SLC25A33: variants seen among roughly 807,000 people sequenced by gnomAD.
The protein encoded by SLC25A33 is bone marrow stromal cell mitochondrial carrier protein.
A neutral mutation model predicts 35.5 loss-of-function variants in SLC25A33; 15 were observed. That is an observed-to-expected ratio of 0.42 (90% confidence interval 0.28 to 0.65). SLC25A33 has a LOEUF of 0.65. Ranked by LOEUF, SLC25A33 falls within the 30% of genes least tolerant of loss-of-function variation. The pLI, the probability that SLC25A33 is intolerant of heterozygous loss-of-function variation, is 0.20. For synonymous variants in SLC25A33, 136 were observed against 148.7 expected, an observed-to-expected ratio of 0.91 and a Z score of 0.62; for missense variants, 257 against 398.5, an observed-to-expected ratio of 0.64 and a Z score of 3.02.
At chr1:9,551,748 A>C (rs1196121035) in intron 1 of SLC25A33, among the ~76,000 whole-genome samples, 9 of 152,048 alleles carry the variant, frequency 5.9e-5, no homozygotes, top group Non-Finnish European at 1.2e-4. Flanking sequence ...TTGAAATCTC[A>C]ATTGAATAAT....
At chr1:9,575,084 G>A (rs113293451) in intron 5 of SLC25A33, among the ~76,000 whole-genome samples, 2,360 of 151,712 alleles carry the variant, frequency 0.016, 58 homozygotes, top group African/African-American at 0.054. Flanking sequence ...GTGATGGTGG[G>A]CGCCTGTAGT....
intron 2 of SLC25A33, among the ~76,000 whole-genome samples, chr1:9,559,745 G>A (rs578076363): frequency 6.6e-6 from 1 of 152,264 alleles, no homozygotes; most frequent in South Asian, 2.1e-4. Flanking sequence ...GCTACCATGT[G>A]GGTTGAAGCC....
rs374392297 is a variant in SLC25A33, at chr1:9,580,242, T to C, written c.763+8T>C. The C allele has an allele frequency of 1.9e-6, 3 of 1,609,578 alleles. No individual in the cohort carries two copies. In the African/African-American group the frequency reaches 4.0e-5, roughly 22 times the overall value. ...GCATTGCTTATCCACACGGTATGTT[T>C]TGCTTTTGTTCTTCCAGAGCAGTAA... is the stretch of plus-strand genomic sequence containing the variant. On this transcript the variant is annotated splice_region_variant and intron_variant, in intron 6 of 6. Coordinates refer to ENST00000302692, the MANE Select transcript of SLC25A33 (RefSeq NM_032315.3).
At chr1:9,573,514 C>A in intron 5 of SLC25A33, 102 bp downstream of exon 5, 1 of 926,888 alleles carries the variant, frequency 1.1e-6, no homozygotes, top group Non-Finnish European at 1.7e-6. Flanking sequence ...AGAGATGTAC[C>A]CCCCTCCTCG....
intron 6 of SLC25A33, among the ~76,000 whole-genome samples, chr1:9,581,254 T>A (rs1643740849): frequency 6.6e-6 from 1 of 152,106 alleles, no homozygotes; most frequent in Non-Finnish European, 1.5e-5. Context: ...GGGCAAAGGC[T>A]GGCAAAGGAG....
At chr1:9,545,485 C>G (rs1478240958) in intron 1 of SLC25A33, among the ~76,000 whole-genome samples, 1 of 152,038 alleles carries the variant, frequency 6.6e-6, no homozygotes, top group African/African-American at 2.4e-5. Context: ...GCAACCTCCG[C>G]CCTCCGAGTT....
intron 3 of SLC25A33, among the ~76,000 whole-genome samples, chr1:9,569,057 C>G (rs1206307498): frequency 1.3e-5 from 2 of 151,852 alleles, no homozygotes; most frequent in Non-Finnish European, 2.9e-5. Context: ...ACCAGCATGG[C>G]CAACATAGTG....
At position 9,578,236 on chromosome 1, in the gene SLC25A33, C is replaced by T. The variant is rs900038598; in HGVS notation, c.483-1718C>T. 5.3e-5 allele frequency among the ~76,000 whole-genome samples: 8 copies of T among 152,044 alleles called. No individual in the cohort carries two copies. The highest frequency in any genetic ancestry group is 8.8e-5 in the Non-Finnish European group (6 of 68,002). On this transcript the variant is annotated intron_variant, in intron 5 of 6. Coordinates refer to ENST00000302692, the MANE Select transcript of SLC25A33 (RefSeq NM_032315.3). The surrounding 1 kb of genome is among the most constrained non-coding windows in gnomAD (Gnocchi z 4.3). Reference sequence around the variant, plus strand: ...CCCGGCCTCTGGATGGTTTTAAGCACGGGAGTTGCATGGTTGGATTTGTGT... The same window carrying T: ...CCCGGCCTCTGGATGGTTTTAAGCATGGGAGTTGCATGGTTGGATTTGTGT...
In SLC25A33 at chr1:9,541,733, T is replaced by A. The variant is rs545437432; in HGVS notation, c.56+1986T>A. Among the ~76,000 whole-genome samples the A allele has an allele frequency of 1.7e-3, 228 of 136,398 alleles. 1 individual carries two copies. The highest frequency in any genetic ancestry group is 5.5e-3 in the African/African-American group (207 of 37,428). 89.5% of individuals were successfully genotyped at this position (136,398 alleles called of 152,430 possible). A position where few individuals can be genotyped will look rare whatever the true frequency, so the allele number is the denominator to read the frequency against. On this transcript the variant is annotated intron_variant, in intron 1 of 6. Coordinates refer to ENST00000302692, the MANE Select transcript of SLC25A33 (RefSeq NM_032315.3). ...GTTTTTTAAGCCAAGAAGGATCATT[T>A]AAAAAAAAAAAAAAAAGGAATTTCT... is the stretch of plus-strand genomic sequence containing the variant.
intron 2 of SLC25A33, among the ~76,000 whole-genome samples, chr1:9,555,054 T>C (rs1269619951): frequency 6.6e-6 from 1 of 151,704 alleles, no homozygotes; most frequent in Non-Finnish European, 1.5e-5. Context: ...TGGGAAATGT[T>C]AGAAAAAGAA....
At chr1:9,567,553 T>TA (rs1176431777) in intron 3 of SLC25A33, among the ~76,000 whole-genome samples, 192 bp downstream of exon 3, 8 of 152,264 alleles carry the variant, frequency 5.3e-5, no homozygotes, top group African/African-American at 1.9e-4. Flanking sequence ...GGATTCTACT[T>TA]ACTGTATTCT....
intron 1 of SLC25A33, among the ~76,000 whole-genome samples, chr1:9,540,934 C>T (rs903061890): frequency 2.0e-5 from 3 of 152,102 alleles, no homozygotes; most frequent in African/African-American, 7.2e-5. Flanking sequence ...TCATCTCTTC[C>T]CTGTCATTCA....
In SLC25A33 at chr1:9,578,717, C is replaced by T. The variant is rs369856039; in HGVS notation, c.483-1237C>T. 6.6e-6 allele frequency among the ~76,000 whole-genome samples: 1 copy of T among 152,158 alleles called. No individual in the cohort carries two copies. Among genetic ancestry groups the T allele is most frequent in the Non-Finnish European group, 1.5e-5 (1 of 68,034 alleles). On this transcript the variant is annotated intron_variant, in intron 5 of 6. Transcript: ENST00000302692. This position sits in a 1 kb window ranked among gnomAD's most constrained non-coding sequence, Gnocchi z 4.3. ...AACTCCTGGCCTCAAGCAGTCCTCC[C>T]GCCTTGGCCTCCCAAAGTGCTGGGA...
At chr1:9,545,918 G>A (rs143056177) in intron 1 of SLC25A33, among the ~76,000 whole-genome samples, 3,589 of 151,274 alleles carry the variant, frequency 0.024, 147 homozygotes, top group African/African-American at 0.083. Context: ...AGCCGAGATC[G>A]CGCCACTGCA....
At position 9,582,334 on chromosome 1, in the gene SLC25A33, A is replaced by C; in HGVS notation, c.799A>C (p.Lys267Gln). 2 of 1,613,992 alleles carry C rather than the reference A, an allele frequency of 1.2e-6. No individual in the cohort carries two copies. The highest frequency in any genetic ancestry group is 1.7e-6 in the Non-Finnish European group (2 of 1,179,864). The change falls in exon 7 of 7, where the codon AAG becomes CAG. Residue 267 changes from lysine (K) to glutamine (Q), a missense_variant. By Grantham distance (53) the Lys-to-Gln change is moderately conservative (BLOSUM62 1). Transcript: ENST00000302692. This position sits in a 1 kb window ranked among gnomAD's most constrained non-coding sequence, Gnocchi z 4.0. ...IRTRLREEGT[K>Q]YKSFVQTARL... ...GACGAGGCTCCGGGAAGAGGGCACC[A>C]AGTACAAGTCTTTTGTCCAGACGGC...
intron 1 of SLC25A33, among the ~76,000 whole-genome samples, chr1:9,543,304 C>T (rs188735967): frequency 5.3e-5 from 8 of 152,112 alleles, no homozygotes; most frequent in African/African-American, 7.2e-5. Flanking sequence ...CCACCACGCC[C>T]GGCTAATTTT....
At chr1:9,542,591 G>A (rs1643102195) in intron 1 of SLC25A33, among the ~76,000 whole-genome samples, 1 of 152,156 alleles carries the variant, frequency 6.6e-6, no homozygotes, top group Admixed American at 6.6e-5. Flanking sequence ...TAGTCCGGTG[G>A]AATATGTGCT....
intron 2 of SLC25A33, 95 bp downstream of exon 2, chr1:9,553,900 G>A (rs1032984961): frequency 7.6e-7 from 1 of 1,320,930 alleles, no homozygotes; most frequent in Non-Finnish European, 1.0e-6. Flanking sequence ...GTGATGTTCT[G>A]TTTGCATAGC....
chr1:9,551,236 T>C (rs1257318551), intron 1 of SLC25A33, among the ~76,000 whole-genome samples: 1 of 151,796 alleles, frequency 6.6e-6, no homozygotes, highest in East Asian at 2.0e-4. Context: ...TACAAAAAAA[T>C]ACAGCTGGGA....
Sources: allele counts gnomAD v4.1 joint callset (sites outside exome capture counted in the v4.1 genomes callset), GRCh38; gene constraint gnomAD v4.1.1; non-coding constraint Gnocchi (gnomAD v3.1); transcripts MANE v1.5; gene names NCBI Gene and HGNC (gene_info 2026-07-23, HGNC 2026-07-21).